FAM120C: variants seen among roughly 807,000 people sequenced by gnomAD.
FAM120C encodes the protein constitutive coactivator of PPAR-gamma-like protein 2.
In FAM120C, 14 loss-of-function variants were observed where a neutral mutation model predicts 71.2. That is an observed-to-expected ratio of 0.20 (90% CI 0.13 to 0.31). The LOEUF is 0.31. Among genes scored for constraint, FAM120C ranks in the 10% least tolerant of loss-of-function variants. FAM120C has a pLI of 1.00. For synonymous variants in FAM120C, 354 were observed against 353.2 expected (o/e 1.00, Z -0.03); for missense variants, 500 against 879.0 (o/e 0.57, Z 5.45).
chrX:54,105,713 C>G (rs1226035482), intron 10 of FAM120C, among the ~76,000 whole-genome samples: 1 of 112,067 alleles, frequency 8.9e-6, no homozygotes, highest in Non-Finnish European at 1.9e-5. Flanking sequence ...TCAGCAAAGT[C>G]TCAGGATACA....
rs1295450025 is a variant in FAM120C, at chrX:54,077,783, T to G, written c.3036+2449A>C. Among the ~76,000 whole-genome samples, 6 of 110,794 alleles carry G rather than the reference T, an allele frequency of 5.4e-5. No individual in the cohort carries two copies. The Admixed American group carries it at 5.8e-4, about 11-fold the overall frequency. ...TTAGAAGAGTAAATGTGTAATACATTGTGATAACTATTTCTTATCATAAAT... is the reference window on the plus strand; with the variant it reads ...TTAGAAGAGTAAATGTGTAATACATGGTGATAACTATTTCTTATCATAAAT... On this transcript the variant is annotated intron_variant, in intron 15 of 15. Coordinates refer to ENST00000375180, the MANE Select transcript of FAM120C (RefSeq NM_017848.6).
chrX:54,149,227 C>G (rs782544411), intron 4 of FAM120C, among the ~76,000 whole-genome samples: 1 of 112,324 alleles, frequency 8.9e-6, no homozygotes, highest in African/African-American at 3.2e-5. Flanking sequence ...ACTGGCATAT[C>G]CATGCAATGA....
intron 3 of FAM120C, among the ~76,000 whole-genome samples, chrX:54,157,318 G>C (rs781798614): frequency 9.1e-6 from 1 of 110,374 alleles, no homozygotes; most frequent in Non-Finnish European, 1.9e-5. Context: ...GCAGTGGCAC[G>C]ATCTTGGCTC....
chrX:54,181,941 A>C (rs1444774100), intron 1 of FAM120C, among the ~76,000 whole-genome samples: 1 of 112,439 alleles, frequency 8.9e-6, no homozygotes, highest in Non-Finnish European at 1.9e-5. Flanking sequence ...TTATGTGTTT[A>C]GGCTAAGGCA....
At chrX:54,177,968 A>G (rs1281005539) in intron 1 of FAM120C, among the ~76,000 whole-genome samples, 1 of 112,211 alleles carries the variant, frequency 8.9e-6, no homozygotes, top group Non-Finnish European at 1.9e-5. Context: ...AGAAAGGCTA[A>G]GAATGGAAAT....
chrX:54,108,345 G>A (rs782034995), intron 10 of FAM120C, among the ~76,000 whole-genome samples: 203 of 110,435 alleles, frequency 1.8e-3, no homozygotes, highest in African/African-American at 6.2e-3. Context: ...TTATAAAGAT[G>A]TCAAAGCTCC....
At chrX:54,096,380 CAGACT>C (rs2066851895) in intron 10 of FAM120C, among the ~76,000 whole-genome samples, 1 of 111,024 alleles carries the variant, frequency 9.0e-6, no homozygotes, top group Admixed American at 9.7e-5. Context: ...CACTGCACTC[CAGACT>C]GGGCCACAGA....
chrX:54,082,108 A>C (rs1266804984), intron 13 of FAM120C, among the ~76,000 whole-genome samples: 2 of 105,698 alleles, frequency 1.9e-5, no homozygotes, highest in Non-Finnish European at 3.9e-5. Flanking sequence ...GCTTGAACCC[A>C]GGAGGTGGAG....
intron 10 of FAM120C, among the ~76,000 whole-genome samples, chrX:54,102,038 CTT>C (rs782670215): frequency 4.9e-5 from 5 of 102,513 alleles, no homozygotes; most frequent in Admixed American, 1.1e-4. Flanking sequence ...TTTGTTTGTT[CTT>C]TTTTTTTTTT....
At position 54,087,647 on chromosome X, in the gene FAM120C, C is replaced by G. The variant is rs1191077100; in HGVS notation, c.2637+108G>C. On this transcript the variant is annotated intron_variant, in intron 12 of 15. Transcript: ENST00000375180. ...GTCAGGTTAAAGTGAGACACATTCT[C>G]CTGCTTCCGCCCCATCCCTCTCCAC... is the stretch of plus-strand genomic sequence containing the variant. 4.1e-6 allele frequency: 3 copies of G among 740,139 alleles called. No homozygotes were observed. The African/African-American group carries it at 6.3e-5, about 16-fold the overall frequency. The allele number at this position is 740,139 out of a possible 1,213,427, so 61.0% of individuals were successfully genotyped here.
intron 9 of FAM120C, among the ~76,000 whole-genome samples, chrX:54,125,631 T>C (rs1557127875): frequency 8.8e-6 from 1 of 113,119 alleles, no homozygotes; most frequent in African/African-American, 3.2e-5. Context: ...TGTAGCTACC[T>C]AGTAAGTCTT....
At chrX:54,169,027 C>T (rs782794435) in intron 1 of FAM120C, among the ~76,000 whole-genome samples, 38 of 111,872 alleles carry the variant, frequency 3.4e-4, no homozygotes, top group Admixed American at 6.7e-4. Flanking sequence ...GACATGGTGG[C>T]TCATGCCTGT....
intron 15 of FAM120C, among the ~76,000 whole-genome samples, chrX:54,077,811 GTTCT>G (rs1381687266): frequency 1.8e-5 from 2 of 110,272 alleles, no homozygotes; most frequent in African/African-American, 3.3e-5. Flanking sequence ...TCATAAATCA[GTTCT>G]TTATCTCTCA....
At chrX:54,104,810 G>T (rs782448903) in intron 10 of FAM120C, among the ~76,000 whole-genome samples, 18 of 109,290 alleles carry the variant, frequency 1.6e-4, no homozygotes, top group Non-Finnish European at 2.7e-4. Context: ...TCTGTCTCGG[G>T]GGGGGAAAAA....
chrX:54,147,298 C>G (rs1320293801), intron 4 of FAM120C: 1 of 110,758 alleles, frequency 9.0e-6, no homozygotes, highest in Non-Finnish European at 1.9e-5. Context: ...GCCTGGGTGA[C>G]AGAGTGAGAC....
At chrX:54,166,535 G>C (rs1557135188) in intron 1 of FAM120C, among the ~76,000 whole-genome samples, 1 of 111,708 alleles carries the variant, frequency 9.0e-6, no homozygotes, top group African/African-American at 3.3e-5. Flanking sequence ...TAAGGGACGA[G>C]TTAAGTAAAT....
In FAM120C at chrX:54,073,071, G is replaced by T; in HGVS notation, c.3253C>A (p.Gln1085Lys). 1 of 1,209,281 alleles carries T rather than the reference G, an allele frequency of 8.3e-7. No individual in the cohort carries two copies. The highest frequency in any genetic ancestry group is 1.8e-5 in the South Asian group (1 of 56,493). ...CGTTGTGCCACAGTTTCTAGCTTTT[G>T]CTCTTGTAAGTGGTTCTTCTCCCTA... Reference protein sequence around the residue: ...NNREKNHLQEQKLETVAQRKE... With the variant: ...NNREKNHLQEKKLETVAQRKE... Residue 1085 changes from glutamine (Q) to lysine (K), a missense_variant, in exon 16 of 16, where the codon CAA becomes AAA. Around this residue, in one of 11 missense-constraint regions of FAM120C, gnomAD observed 85 missense variants for 96.1 expected, o/e 0.88. Transcript: ENST00000375180.
At chrX:54,139,619 G>T (rs1231021422) in intron 4 of FAM120C, among the ~76,000 whole-genome samples, 3 of 110,719 alleles carry the variant, frequency 2.7e-5, no homozygotes, top group Non-Finnish European at 5.7e-5. Flanking sequence ...GGAATTACAG[G>T]CGTGAGCCAC....
At chrX:54,180,005 A>G (rs781978306) in intron 1 of FAM120C, among the ~76,000 whole-genome samples, 1 of 112,287 alleles carries the variant, frequency 8.9e-6, no homozygotes, top group Admixed American at 9.4e-5. Context: ...TATTTTTACT[A>G]TACCTGATTT....
Sources: allele counts gnomAD v4.1 joint callset (sites outside exome capture counted in the v4.1 genomes callset), GRCh38; gene constraint gnomAD v4.1.1; regional missense constraint gnomAD v4.1.1; transcripts MANE v1.5; gene names NCBI Gene and HGNC (gene_info 2026-07-23, HGNC 2026-07-21).